The following EIF4G1 variants were observed in gnomAD, a reference collection of about 807,000 sequenced individuals.
EIF4G1 encodes eukaryotic translation initiation factor 4 gamma 1.
EIF4G1 carries 4 observed loss-of-function variants against 187.8 expected under a neutral mutation model. The observed-to-expected ratio is 0.02, with a 90% CI of 0.01 to 0.05. The LOEUF (loss-of-function observed/expected upper bound fraction) is 0.05, where lower values mean the gene tolerates loss of function less well. Ranked by LOEUF, EIF4G1 falls within the 10% of genes least tolerant of loss-of-function variation. EIF4G1 has a pLI of 1.00. For synonymous variants in EIF4G1, 844 were observed against 781.4 expected (o/e 1.08, Z -1.34); for missense variants, 1,647 against 2,081.1 (o/e 0.79, Z 4.06).
In EIF4G1 at chr3:184,323,379, C is replaced by T. The variant is rs748895212; in HGVS notation, c.2089-29C>T. Reference sequence around the variant, plus strand: ...ATATTGTGCTGACTAGTTCCATGTCCCCTCTTGTCTTCATCCCTTGCTTAG... The same window carrying T: ...ATATTGTGCTGACTAGTTCCATGTCTCCTCTTGTCTTCATCCCTTGCTTAG... On this transcript the variant is annotated intron_variant, in intron 14 of 32. Transcript: ENST00000346169. The surrounding 1 kb of genome is among the most constrained non-coding windows in gnomAD (Gnocchi z 6.9). 2.7e-5 allele frequency: 43 copies of T among 1,613,828 alleles called. No homozygotes were observed. Among genetic ancestry groups the T allele is most frequent in the African/African-American group, 5.3e-5 (4 of 74,914 alleles).
intron 7 of EIF4G1, chr3:184,320,388 G>T: frequency 7.1e-7 from 1 of 1,412,008 alleles, no homozygotes; most frequent in Non-Finnish European, 9.2e-7. Context: ...GATGAGGGAG[G>T]GAGGGGCATT....
chr3:184,316,019 G>A (rs956401872), intron 3 of EIF4G1, 113 bp from the exon 4 acceptor site: 6 of 1,547,450 alleles, frequency 3.9e-6, no homozygotes, highest in Admixed American at 2.0e-5. Context: ...CGGGGAGGGG[G>A]TATGTGGATT....
chr3:184,324,357 A>G lies in EIF4G1; in HGVS notation c.2619+10A>G. Reference sequence around the variant, plus strand: ...GGATGAAGCTGCTACGGTGAGAGAAAACCCACTATCGATTCCACTCACCAC... The same window carrying G: ...GGATGAAGCTGCTACGGTGAGAGAAGACCCACTATCGATTCCACTCACCAC... On this transcript the variant is annotated intron_variant, in intron 17 of 32. Transcript: ENST00000346169. 3 of 1,614,196 alleles carry G rather than the reference A, an allele frequency of 1.9e-6. No individual in the cohort carries two copies. The highest frequency in any genetic ancestry group is 2.5e-6 in the Non-Finnish European group (3 of 1,180,036).
chr3:184,329,127 A>C (rs1197999732), intron 28 of EIF4G1, 137 bp downstream of exon 28: 1 of 1,050,012 alleles, frequency 9.5e-7, no homozygotes, highest in East Asian at 2.6e-5. Flanking sequence ...TGGGAGAGGA[A>C]ATACTGAGGT....
intron 4 of EIF4G1, 88 bp downstream of exon 4, chr3:184,316,306 G>T (rs544511711): frequency 1.3e-6 from 2 of 1,519,646 alleles, no homozygotes; most frequent in African/African-American, 2.8e-5. Context: ...GAAACTGGAG[G>T]CCCCATACCT....
chr3:184,321,372 C>T lies in EIF4G1; in HGVS notation c.788C>T (p.Ser263Phe). The stretch of plus-strand genomic sequence containing the variant: ...TCAGAATCCCAGCCTTCGTCGCCTT[C>T]TCCGACCCCATCACCATCCCCAGTC... ...SPSESQPSSP[S>F]PTPSPSPVLE... The change falls in exon 10 of 33, where the codon TCT becomes TTT. Residue 263 changes from serine to phenylalanine, a missense_variant. Ser to Phe is a radical substitution (Grantham distance 155, BLOSUM62 -2). Around this residue, in one of 11 missense-constraint regions of EIF4G1, gnomAD observed 522 missense variants for 485.2 expected, o/e 1.08. Transcript: ENST00000346169. 6.2e-7 allele frequency: 1 copy of T among 1,614,162 alleles called. No homozygotes were observed. The highest frequency in any genetic ancestry group is 1.1e-5 in the South Asian group (1 of 91,082).
At position 184,334,088 on chromosome 3, in the gene EIF4G1, G is replaced by A. The variant is rs962462251; in HGVS notation, c.4619-639G>A. Among the ~76,000 whole-genome samples, 9 of 152,150 alleles carry A rather than the reference G, an allele frequency of 5.9e-5. No individual in the cohort carries two copies. Among genetic ancestry groups the A allele is most frequent in the African/African-American group, 2.2e-4 (9 of 41,426 alleles). ...GTGGTGCCTTGTGGGCACTGGGGTC[G>A]GTTGTGTTTCAGGGGTTATAGGACA... On this transcript the variant is annotated intron_variant, in intron 32 of 32. Transcript: ENST00000346169. This position sits in a 1 kb window ranked among gnomAD's most constrained non-coding sequence, Gnocchi z 5.8.
In EIF4G1 at chr3:184,328,733, G is replaced by T; in HGVS notation, c.4056G>T (p.Gly1352=). 1 of 1,614,176 alleles carries T rather than the reference G, an allele frequency of 6.2e-7. No homozygotes were observed. Among genetic ancestry groups the T allele is most frequent in the Non-Finnish European group, 8.5e-7 (1 of 1,180,028 alleles). The change falls in exon 27 of 33, where the codon GGG becomes GGT. Residue 1352 remains glycine, a synonymous_variant. Coordinates refer to ENST00000346169, the MANE Select transcript of EIF4G1 (RefSeq NM_198241.3). ...ELVTPILQEG[G]VPMGELFREI... is the part of the protein sequence containing the mutation. ...TAACACCCATTCTGCAGGAAGGTGG[G>T]GTGCCCATGGGGGAGCTGTTCAGGT...
chr3:184,326,082 C>G (rs1724837029), intron 21 of EIF4G1, 131 bp downstream of exon 21: 1 of 959,018 alleles, frequency 1.0e-6, no homozygotes, highest in Non-Finnish European at 1.6e-6. Flanking sequence ...GGAGACAGGA[C>G]TGCCAGCTGT....
At position 184,317,507 on chromosome 3, in the gene EIF4G1, G is replaced by C; in HGVS notation, c.324+10G>C. ...CTACATCCCTGGACAGGTGAGGCTG[G>C]GGGCTTGGAGCCTAGAAGCCACAGA... On this transcript the variant is annotated intron_variant, in intron 5 of 32. Coordinates refer to ENST00000346169, the MANE Select transcript of EIF4G1 (RefSeq NM_198241.3). The C allele has an allele frequency of 6.2e-7, 1 of 1,613,912 alleles. No homozygotes were observed. Among genetic ancestry groups the C allele is most frequent in the Non-Finnish European group, 8.5e-7 (1 of 1,179,940 alleles).
rs150021723 is a variant in EIF4G1, at chr3:184,331,006, C to G, written c.4162-260C>G. Among the ~76,000 whole-genome samples the G allele has an allele frequency of 3.1e-3, 468 of 152,278 alleles. 2 individuals carry two copies. The highest frequency in any genetic ancestry group is 5.1e-3 in the Non-Finnish European group (348 of 68,022). ...CCGCCCACCTCGACCTTTCAGAGTG[C>G]TAGGATTACAGGCGTGAGCCACCGC... On this transcript the variant is annotated intron_variant, in intron 28 of 32. Transcript: ENST00000346169.
Position 184,323,601 on chromosome 3 carries a change from C to CA in EIF4G1, c.2274+10dup, listed in dbSNP as rs1490280539. On this transcript the variant is annotated intron_variant, in intron 15 of 32. Transcript: ENST00000346169. This position sits in a 1 kb window ranked among gnomAD's most constrained non-coding sequence, Gnocchi z 6.9. Reference sequence around the variant, plus strand: ...GATGGCAGCAAAACCCAGGTACTGGCAAGTCCTGCTTTTGGTCTCTCTCCA... The same window carrying CA: ...GATGGCAGCAAAACCCAGGTACTGGCAAAGTCCTGCTTTTGGTCTCTCTCCA... 1 of 1,613,964 alleles carries CA rather than the reference C, an allele frequency of 6.2e-7. No individual in the cohort carries two copies. The highest frequency in any genetic ancestry group is 1.1e-5 in the South Asian group (1 of 91,082).
chr3:184,335,107 TCTC>T lies in EIF4G1; in HGVS notation c.*204_*206del. On this transcript the variant is annotated 3_prime_UTR_variant, in exon 33 of 33. Transcript: ENST00000346169. Reference sequence around the variant, plus strand: ...CCTCCAGGATGCCGCCAGGTGTCCCTCTCCTCCCCCTGGGGCACAGAGATATAT... The same window carrying T: ...CCTCCAGGATGCCGCCAGGTGTCCCTCTCCCCCTGGGGCACAGAGATATAT... 3 of 649,164 alleles carry T rather than the reference TCTC, an allele frequency of 4.6e-6. No individual in the cohort carries two copies. The highest frequency in any genetic ancestry group is 5.3e-6 in the Non-Finnish European group (2 of 374,714). 40.2% of individuals were successfully genotyped at this position (649,164 alleles called of 1,614,324 possible).
chr3:184,326,732 T>C (rs1057080482), intron 22 of EIF4G1, 103 bp downstream of exon 22: 19 of 1,494,638 alleles, frequency 1.3e-5, no homozygotes, highest in Admixed American at 1.7e-5. Context: ...GGTTAGGCAA[T>C]GCGGGCAATA....
Position 184,322,439 on chromosome 3 carries a change from G to A in EIF4G1, c.1597G>A (p.Ala533Thr). ...KKEAVGDLLD[A>T]FKEANPAVPE... ...GGAGGCTGTTGGAGACCTTCTGGAT[G>A]CCTTCAAGGAGGTAAGGGAGCAGAA... Residue 533 changes from alanine to threonine, a missense_variant, in exon 11 of 33, where the codon GCC (alanine) becomes ACC (threonine). Coordinates refer to ENST00000346169, the MANE Select transcript of EIF4G1 (RefSeq NM_198241.3). 6.2e-7 allele frequency: 1 copy of A among 1,614,180 alleles called. No homozygotes were observed. Among genetic ancestry groups the A allele is most frequent in the Non-Finnish European group, 8.5e-7 (1 of 1,180,030 alleles).
chr3:184,323,176 C>T lies in EIF4G1; in HGVS notation c.2023C>T (p.Arg675Trp), dbSNP rs764646714. The change falls in exon 14 of 33, where the codon CGG (arginine) becomes TGG (tryptophan). Residue 675 changes from arginine to tryptophan, a missense_variant. Physicochemically the swap from Arg to Trp is moderately radical, Grantham distance 101. Around this residue, in one of 11 missense-constraint regions of EIF4G1, gnomAD observed 140 missense variants for 222.2 expected, o/e 0.63. Transcript: ENST00000346169. This position sits in a 1 kb window ranked among gnomAD's most constrained non-coding sequence, Gnocchi z 6.9. Reference sequence around the variant, plus strand: ...CACTCCATCCTTTGCCAACCTTGGCCGGACAACCCTTAGCACCCGTGGGCC... The same window carrying T: ...CACTCCATCCTTTGCCAACCTTGGCTGGACAACCCTTAGCACCCGTGGGCC... ...DFTPSFANLG[R>W]TTLSTRGPPR... The T allele has an allele frequency of 1.9e-6, 3 of 1,614,224 alleles. No individual in the cohort carries two copies. The highest frequency in any genetic ancestry group is 2.2e-5 in the South Asian group (2 of 91,088).
Position 184,328,933 on chromosome 3 carries a change from G to T in EIF4G1, c.4104G>T (p.Pro1368=). 6.2e-7 allele frequency: 1 copy of T among 1,614,158 alleles called. No individual in the cohort carries two copies. Among genetic ancestry groups the T allele is most frequent in the East Asian group, 2.2e-5 (1 of 44,876 alleles). The change falls in exon 28 of 33, where the codon CCG becomes CCT. Residue 1368 remains proline (P), a synonymous_variant. Transcript: ENST00000346169. ...LFREITKPLR[P]LGKAASLLLE... ...GGGAGATTACAAAGCCTCTGAGACC[G>T]TTGGGCAAAGCTGCTTCCCTGTTGC...
chr3:184,324,127 G>A (rs1394423682), intron 16 of EIF4G1, 74 bp from the exon 17 acceptor site: 4 of 1,610,248 alleles, frequency 2.5e-6, no homozygotes, highest in Non-Finnish European at 2.5e-6. Flanking sequence ...TCCTGGGTCA[G>A]GTAGTTAAAG....
At chr3:184,330,105 CTG>C (rs2108514152) in intron 28 of EIF4G1, among the ~76,000 whole-genome samples, 1 of 152,236 alleles carries the variant, frequency 6.6e-6, no homozygotes, top group Admixed American at 6.5e-5. Flanking sequence ...AAAGAAAAGA[CTG>C]GGCCGGGCGT....
Sources: allele counts gnomAD v4.1 joint callset (sites outside exome capture counted in the v4.1 genomes callset), GRCh38; gene constraint gnomAD v4.1.1; regional missense constraint gnomAD v4.1.1; non-coding constraint Gnocchi (gnomAD v3.1); transcripts MANE v1.5; gene names NCBI Gene and HGNC (gene_info 2026-07-23, HGNC 2026-07-21).